Variants in ROBO2 observed in about 807,000 individuals in gnomAD.
The protein encoded by ROBO2 is roundabout homolog 2.
In ROBO2, 53 loss-of-function variants were observed where a neutral mutation model predicts 160.8. The observed-to-expected ratio is 0.33, with a 90% CI of 0.26 to 0.41. The LOEUF is 0.41. Among genes scored for constraint, ROBO2 ranks in the 10% least tolerant of loss-of-function variants. ROBO2 has a pLI of 1.00. For synonymous variants in ROBO2, 664 were observed against 611.7 expected (o/e 1.09, Z -1.26); for missense variants, 1,577 against 1,722.4 (o/e 0.92, Z 1.49).
chr3:77,278,783 C>T (rs2060053733), intron 2 of ROBO2, among the ~76,000 whole-genome samples: 1 of 151,932 alleles, frequency 6.6e-6, no homozygotes, highest in African/African-American at 2.4e-5. Context: ...TTCTGTCTTG[C>T]CAGTTGTGGA....
chr3:76,562,293 T>A (rs1452503033), intron 2 of ROBO2, among the ~76,000 whole-genome samples: 1 of 152,030 alleles, frequency 6.6e-6, no homozygotes, highest in African/African-American at 2.4e-5. Flanking sequence ...AAATACTTCC[T>A]ATAATACCTG....
At chr3:76,523,158 T>C (rs1020533519) in intron 2 of ROBO2, among the ~76,000 whole-genome samples, 2 of 151,890 alleles carry the variant, frequency 1.3e-5, no homozygotes, top group South Asian at 2.1e-4. Context: ...TTACAGAAGC[T>C]TGGGAGATAA....
At chr3:76,654,618 G>A (rs2091408467) in intron 2 of ROBO2, among the ~76,000 whole-genome samples, 1 of 152,012 alleles carries the variant, frequency 6.6e-6, no homozygotes, top group South Asian at 2.1e-4. Context: ...GCATGCTGGG[G>A]TAATAGGGAC....
At chr3:76,921,171 G>T (rs1054205960) in intron 2 of ROBO2, among the ~76,000 whole-genome samples, 32 of 152,136 alleles carry the variant, frequency 2.1e-4, no homozygotes, top group Non-Finnish European at 3.7e-4. Context: ...GTCATCACGT[G>T]AATGTATGCC....
chr3:76,299,373 T>G (rs1159528569), intron 2 of ROBO2, among the ~76,000 whole-genome samples: 1 of 151,856 alleles, frequency 6.6e-6, no homozygotes, highest in East Asian at 1.9e-4. Flanking sequence ...CAAGTCAGAG[T>G]TAAAGTGGTT....
At chr3:76,657,656 TCATATATATGTG>T (rs2091608922) in intron 2 of ROBO2, among the ~76,000 whole-genome samples, 1 of 46,934 alleles carries the variant, frequency 2.1e-5, no homozygotes, top group African/African-American at 1.4e-4. Context: ...GTATATATAT[TCATATATATGTG>T]TATATATATA....
At chr3:77,218,333 T>C (rs1266088457) in intron 2 of ROBO2, among the ~76,000 whole-genome samples, 1 of 152,162 alleles carries the variant, frequency 6.6e-6, no homozygotes, top group Non-Finnish European at 1.5e-5. Flanking sequence ...TAGGCTTTTC[T>C]TGTTTAATTC....
chr3:76,987,852 C>T (rs2060469573), intron 2 of ROBO2, among the ~76,000 whole-genome samples: 1 of 151,926 alleles, frequency 6.6e-6, no homozygotes, highest in Admixed American at 6.6e-5. Flanking sequence ...TTTTGCATGG[C>T]AAACACCTAA....
chr3:76,492,650 T>C (rs1268414355), intron 2 of ROBO2, among the ~76,000 whole-genome samples: 1 of 152,196 alleles, frequency 6.6e-6, no homozygotes, highest in African/African-American at 2.4e-5. Flanking sequence ...AATGCCTTAC[T>C]GTTTTTACCT....
rs1319206458 is a variant in ROBO2 at position 77,024,038 on chromosome 3, AT to A, written c.110-73970del. Among the ~76,000 whole-genome samples the A allele has an allele frequency of 3.9e-5, 6 of 152,284 alleles. No individual in the cohort carries two copies. The South Asian group carries it at 1.0e-3, about 26-fold the overall frequency. On this transcript the variant is annotated intron_variant, in intron 2 of 26. Transcript: ENST00000487694. The stretch of plus-strand genomic sequence containing the variant: ...ATTTTCTTCAGGTCTAATAATTCAT[AT>A]TTTTTGTAGATCGTGTATATATGTG...
At chr3:77,144,238 A>G (rs939021458) in intron 2 of ROBO2, among the ~76,000 whole-genome samples, 7 of 152,266 alleles carry the variant, frequency 4.6e-5, no homozygotes, top group African/African-American at 1.2e-4. Flanking sequence ...TGAGAATTAA[A>G]TAGTATTTCC....
At chr3:76,034,988 C>CAGA (rs1041143987) in intron 2 of ROBO2, among the ~76,000 whole-genome samples, 4 of 152,046 alleles carry the variant, frequency 2.6e-5, no homozygotes, top group African/African-American at 9.7e-5. Flanking sequence ...AAGAACAGTG[C>CAGA]TTCTCTCTTT....
chr3:77,471,925 C>T (rs1223235398), intron 2 of ROBO2, among the ~76,000 whole-genome samples: 1 of 152,052 alleles, frequency 6.6e-6, no homozygotes, highest in Non-Finnish European at 1.5e-5. Context: ...CAGGATGCGC[C>T]AATTTCCCCT....
chr3:77,130,737 A>G (rs1234474767), intron 2 of ROBO2, among the ~76,000 whole-genome samples: 2 of 152,140 alleles, frequency 1.3e-5, no homozygotes, highest in Non-Finnish European at 2.9e-5. Flanking sequence ...TATATGTAAC[A>G]CATTATCCTC....
At chr3:77,367,891 T>C (rs114458093) in intron 2 of ROBO2, among the ~76,000 whole-genome samples, 47 of 152,270 alleles carry the variant, frequency 3.1e-4, no homozygotes, top group African/African-American at 1.1e-3. Flanking sequence ...TAACATTCTT[T>C]AATGGAAAGG....
At chr3:77,537,562 T>C (rs1486778875) in intron 6 of ROBO2, among the ~76,000 whole-genome samples, 1 of 152,162 alleles carries the variant, frequency 6.6e-6, no homozygotes, top group Non-Finnish European at 1.5e-5. Flanking sequence ...CAATATATCA[T>C]TTAGTGCTTT....
chr3:76,797,287 CAAG>C (rs1442851083), intron 2 of ROBO2, among the ~76,000 whole-genome samples: 4 of 151,886 alleles, frequency 2.6e-5, no homozygotes, highest in Admixed American at 1.3e-4. Context: ...AAATCAATAA[CAAG>C]AAGAAACTAC....
At chr3:77,567,301 T>C (rs954942281) in intron 12 of ROBO2, among the ~76,000 whole-genome samples, 1 of 152,082 alleles carries the variant, frequency 6.6e-6, no homozygotes, top group Non-Finnish European at 1.5e-5. Flanking sequence ...CTTTCTTAAA[T>C]ACAATAGTTG....
At chr3:76,717,718 G>T (rs2093404217) in intron 2 of ROBO2, among the ~76,000 whole-genome samples, 1 of 151,956 alleles carries the variant, frequency 6.6e-6, no homozygotes, top group Non-Finnish European at 1.5e-5. Flanking sequence ...TCTAAAGCAG[G>T]TCTTAAAAAA....
Sources: gnomAD v4.1 joint callset for allele counts (sites outside exome capture counted in the v4.1 genomes callset) on GRCh38, gnomAD v4.1.1 for gene constraint, MANE v1.5 for transcripts, NCBI Gene and HGNC (gene_info 2026-07-23, HGNC 2026-07-21) for gene names.